The following MALRD1 variants were observed in gnomAD, a reference collection of about 807,000 sequenced individuals.
MALRD1 encodes the protein MAM and LDL-receptor class A domain-containing protein 1.
Under a neutral mutation model 242.1 loss-of-function variants are expected in MALRD1, and 247 were observed. The ratio of observed to expected loss-of-function variants is 1.02; its 90% CI spans 0.92 to 1.13. The LOEUF (loss-of-function observed/expected upper bound fraction) is 1.13. Ranked by LOEUF, MALRD1 falls within the 50% of genes most tolerant of loss-of-function variation. MALRD1 has a pLI of 0.00. For synonymous variants in MALRD1, 995 were observed against 866.6 expected (o/e 1.15, Z -2.60); for missense variants, 2,989 against 2,533.1 (o/e 1.18, Z -3.86).
At chr10:19,661,359 A>G (rs538948381) in intron 36 of MALRD1, among the ~76,000 whole-genome samples, 162 of 152,324 alleles carry the variant, frequency 1.1e-3, no homozygotes, top group African/African-American at 3.6e-3. Context: ...AGCACTATTC[A>G]CAATAGCAAA....
intron 18 of MALRD1, among the ~76,000 whole-genome samples, chr10:19,222,997 C>T (rs1374839279): frequency 6.6e-6 from 1 of 152,188 alleles, no homozygotes; most frequent in Non-Finnish European, 1.5e-5. Context: ...GCAAAGCGAT[C>T]TATACCTATT....
At chr10:19,489,014 A>G (rs886675381) in intron 29 of MALRD1, 3 of 456,020 alleles carry the variant, frequency 6.6e-6, no homozygotes, top group South Asian at 1.6e-5. Flanking sequence ...TTCTCCCACC[A>G]TCCCCCGCCA....
chr10:19,644,618 T>C (rs1177648322), intron 36 of MALRD1, among the ~76,000 whole-genome samples: 1 of 152,170 alleles, frequency 6.6e-6, no homozygotes, highest in Non-Finnish European at 1.5e-5. Flanking sequence ...TCTTATCCTA[T>C]GACAAGACCC....
At chr10:19,691,424 C>T (rs1842814525) in intron 36 of MALRD1, among the ~76,000 whole-genome samples, 1 of 152,012 alleles carries the variant, frequency 6.6e-6, no homozygotes, top group Admixed American at 6.6e-5. Flanking sequence ...AGCATTGCTT[C>T]TAACACTCAG....
At chr10:19,147,463 G>A (rs34280396) in intron 11 of MALRD1, among the ~76,000 whole-genome samples, 55,766 of 151,946 alleles carry the variant, frequency 0.37, 10,671 homozygotes, top group Admixed American at 0.43. Flanking sequence ...AACATTTTGT[G>A]GCAGACAAAG....
At position 19,498,583 on chromosome 10, in the gene MALRD1, G is replaced by C; in HGVS notation, c.5257G>C (p.Asp1753His). The change falls in exon 31 of 40, where the codon GAC becomes CAC. Residue 1753 changes from aspartate (D) to histidine (H), a missense_variant. Transcript: ENST00000454679. The part of the protein sequence containing the change: ...SLTQDSEDDL[D>H]WAIGSRIPAK... ...TACTCAAGACTCTGAGGATGACTTG[G>C]ACTGGGCCATTGGCAGCAGAATTCC... The C allele has an allele frequency of 6.5e-7, 1 of 1,550,184 alleles. No homozygotes were observed. Among genetic ancestry groups the C allele is most frequent in the Non-Finnish European group, 8.7e-7 (1 of 1,146,810 alleles).
intron 28 of MALRD1, among the ~76,000 whole-genome samples, chr10:19,430,577 T>G (rs1461025164): frequency 6.6e-6 from 1 of 152,184 alleles, no homozygotes; most frequent in Non-Finnish European, 1.5e-5. Context: ...ATAATAAAAT[T>G]TGCTCACACA....
At chr10:19,511,458 GT>G (rs565276811) in intron 31 of MALRD1, among the ~76,000 whole-genome samples, 123 of 152,266 alleles carry the variant, frequency 8.1e-4, no homozygotes, top group African/African-American at 2.8e-3. Flanking sequence ...TCATAGCATG[GT>G]TAGAGCCCAT....
At position 19,424,526 on chromosome 10, in the gene MALRD1, C is replaced by T. The variant is rs540662841; in HGVS notation, c.4846-25781C>T. On this transcript the variant is annotated intron_variant, in intron 28 of 39. Transcript: ENST00000454679. ...AAAACAATATTTAAAAATAAAAATA[C>T]TCACTTTTCTACACAAAAACATACA... 1.5e-4 allele frequency among the ~76,000 whole-genome samples: 23 copies of T among 152,154 alleles called. 1 individual carries two copies. The highest frequency in any genetic ancestry group is 7.4e-5 in the Non-Finnish European group (5 of 68,018).
intron 18 of MALRD1, among the ~76,000 whole-genome samples, chr10:19,245,407 T>G (rs752316392): frequency 2.0e-5 from 3 of 152,178 alleles, no homozygotes; most frequent in Non-Finnish European, 4.4e-5. Flanking sequence ...AATTTTCTTT[T>G]GAGCAATAAA....
intron 19 of MALRD1, among the ~76,000 whole-genome samples, chr10:19,270,356 AC>A (rs1210611109): frequency 6.6e-6 from 1 of 151,090 alleles, no homozygotes; most frequent in Non-Finnish European, 1.5e-5. Flanking sequence ...ACACACACAC[AC>A]ACACACACAC....
At chr10:19,405,176 C>A (rs1001755172) in intron 28 of MALRD1, among the ~76,000 whole-genome samples, 2 of 152,106 alleles carry the variant, frequency 1.3e-5, no homozygotes, top group African/African-American at 4.8e-5. Flanking sequence ...AATGCGTCAA[C>A]ATCTTATTTG....
chr10:19,629,268 G>A (rs972171096), intron 36 of MALRD1, among the ~76,000 whole-genome samples: 1 of 152,138 alleles, frequency 6.6e-6, no homozygotes, highest in Non-Finnish European at 1.5e-5. Flanking sequence ...ATCCTCTAAG[G>A]AAAGGCATGG....
chr10:19,347,366 A>G (rs1250498869), intron 24 of MALRD1, among the ~76,000 whole-genome samples: 1 of 152,190 alleles, frequency 6.6e-6, no homozygotes, highest in Admixed American at 6.5e-5. Context: ...ACTATGATAA[A>G]TGATAACTTT....
chr10:19,634,016 T>C (rs1367022626), intron 36 of MALRD1, among the ~76,000 whole-genome samples: 1 of 151,880 alleles, frequency 6.6e-6, no homozygotes, highest in Non-Finnish European at 1.5e-5. Flanking sequence ...TTTTGTTGTA[T>C]TTTTAGTAGA....
At chr10:19,544,216 T>A (rs1166672763) in intron 32 of MALRD1, among the ~76,000 whole-genome samples, 1 of 152,018 alleles carries the variant, frequency 6.6e-6, no homozygotes, top group Admixed American at 6.6e-5. Context: ...TTAGATGCAG[T>A]CTCGCTCTTG....
At chr10:19,606,380 C>A (rs942504579) in intron 34 of MALRD1, among the ~76,000 whole-genome samples, 9 of 152,016 alleles carry the variant, frequency 5.9e-5, no homozygotes, top group Non-Finnish European at 1.3e-4. Context: ...GTATATGATA[C>A]CGTTAAGTAA....
intron 4 of MALRD1, among the ~76,000 whole-genome samples, chr10:19,101,015 T>C (rs532733014): frequency 6.6e-6 from 1 of 152,166 alleles, no homozygotes; most frequent in African/African-American, 2.4e-5. Flanking sequence ...GCTTAAATAT[T>C]TTAATAACTA....
At chr10:19,265,655 G>C (rs1488297679) in intron 19 of MALRD1, among the ~76,000 whole-genome samples, 2 of 151,978 alleles carry the variant, frequency 1.3e-5, no homozygotes, top group Non-Finnish European at 2.9e-5. Flanking sequence ...ATCTATCCTG[G>C]GGAATGTTCT....
Sources: allele counts gnomAD v4.1 joint callset (sites outside exome capture counted in the v4.1 genomes callset), GRCh38; gene constraint gnomAD v4.1.1; transcripts MANE v1.5; gene names NCBI Gene and HGNC (gene_info 2026-07-23, HGNC 2026-07-21).